The following IMMP2L variants were observed in gnomAD, a reference collection of about 807,000 sequenced individuals.
IMMP2L encodes inner mitochondrial membrane peptidase subunit 2, also known as mitochondrial inner membrane protease subunit 2.
Under a neutral mutation model 19.3 loss-of-function variants are expected in IMMP2L, and 18 were observed. That is an observed-to-expected ratio of 0.93 (90% CI 0.64 to 1.38). The LOEUF is 1.38. Among genes scored for constraint, IMMP2L ranks in the 40% most tolerant of loss-of-function variants. The pLI, the probability that IMMP2L is intolerant of heterozygous loss-of-function variation, is 0.00. For synonymous variants in IMMP2L, 76 were observed against 73.0 expected (o/e 1.04, Z -0.21); for missense variants, 233 against 218.2 (o/e 1.07, Z -0.43).
intron 5 of IMMP2L, among the ~76,000 whole-genome samples, chr7:110,754,443 A>C (rs1584729677): frequency 6.6e-6 from 1 of 152,036 alleles, no homozygotes; most frequent in Non-Finnish European, 1.5e-5. Context: ...TGTCAGCTTT[A>C]CTCAGCAGCT....
intron 4 of IMMP2L, among the ~76,000 whole-genome samples, chr7:110,893,569 C>T (rs1040501673): frequency 6.6e-5 from 10 of 152,104 alleles, no homozygotes; most frequent in Admixed American, 4.6e-4. Flanking sequence ...TGACTTTTTA[C>T]ACAAATAATT....
chr7:111,388,659 A>G (rs1170655250), intron 3 of IMMP2L, among the ~76,000 whole-genome samples: 6 of 152,088 alleles, frequency 3.9e-5, no homozygotes, highest in Non-Finnish European at 8.8e-5. Context: ...TACTTCTTAC[A>G]TGGCAGTGGC....
At chr7:111,105,032 T>A (rs1350378614) in intron 3 of IMMP2L, among the ~76,000 whole-genome samples, 1 of 151,854 alleles carries the variant, frequency 6.6e-6, no homozygotes, top group Non-Finnish European at 1.5e-5. Flanking sequence ...CAGAGAGGCA[T>A]GACCATAGAA....
chr7:110,687,598 T>C (rs1793206124), intron 5 of IMMP2L, among the ~76,000 whole-genome samples: 1 of 152,144 alleles, frequency 6.6e-6, no homozygotes, highest in South Asian at 2.1e-4. Context: ...GCATTACATA[T>C]ATTTTATAAC....
At chr7:111,044,666 A>G (rs2129571564) in intron 3 of IMMP2L, among the ~76,000 whole-genome samples, 1 of 152,358 alleles carries the variant, frequency 6.6e-6, no homozygotes, top group Middle Eastern at 3.4e-3. Flanking sequence ...TTTCTTAACT[A>G]TTCAAAATTG....
At chr7:111,188,629 G>A (rs1024369342) in intron 3 of IMMP2L, among the ~76,000 whole-genome samples, 2 of 152,060 alleles carry the variant, frequency 1.3e-5, no homozygotes, top group Middle Eastern at 3.2e-3. Context: ...CATCGTAGTT[G>A]GATCTGGCAG....
chr7:110,808,833 C>T (rs748136472), intron 5 of IMMP2L, among the ~76,000 whole-genome samples: 6 of 151,950 alleles, frequency 3.9e-5, no homozygotes, highest in Non-Finnish European at 7.4e-5. Context: ...AAATATGGTT[C>T]TATGTGGTTT....
intron 4 of IMMP2L, among the ~76,000 whole-genome samples, chr7:110,918,867 T>C (rs572407428): frequency 1.6e-4 from 25 of 152,358 alleles, no homozygotes; most frequent in African/African-American, 5.8e-4. Context: ...TTTATCAAAA[T>C]AGTGACTCAG....
In IMMP2L at chr7:110,739,229, A is replaced by C. The variant is rs139653909; in HGVS notation, c.409-75508T>G. Among the ~76,000 whole-genome samples, 161 of 152,294 alleles carry C rather than the reference A, an allele frequency of 1.1e-3. 1 individual carries two copies. In the East Asian group the frequency reaches 0.029, roughly 27 times the overall value. On this transcript the variant is annotated intron_variant, in intron 5 of 5. Transcript: ENST00000405709. ...CCTCACATCTCAATACTAACATTTA[A>C]TGTAAATGGCCTAAATGTTCTACTT...
At chr7:111,084,853 A>C (rs1669182963) in intron 3 of IMMP2L, among the ~76,000 whole-genome samples, 1 of 152,216 alleles carries the variant, frequency 6.6e-6, no homozygotes, top group Admixed American at 6.5e-5. Context: ...CTCTTCTGAG[A>C]AACTTAATGT....
At position 110,727,390 on chromosome 7, in the gene IMMP2L, C is replaced by CTAAA. The variant is rs58224781; in HGVS notation, c.409-63673_409-63670dup. On this transcript the variant is annotated intron_variant, in intron 5 of 5. Transcript: ENST00000405709. This position sits in a 1 kb window ranked among gnomAD's most constrained non-coding sequence, Gnocchi z 4.3. ...TGGATGACAGAGTGAGACTCTGTCT[C>CTAAA]TAAATAAATAAATAAATAAATAAAT... 0.03 allele frequency among the ~76,000 whole-genome samples: 4,471 copies of CTAAA among 147,492 alleles called. 138 individuals are homozygous for CTAAA. The highest frequency in any genetic ancestry group is 0.083 in the African/African-American group (3,221 of 38,600).
chr7:111,304,669 A>AGTGTGT (rs1304235836), intron 3 of IMMP2L, among the ~76,000 whole-genome samples: 4 of 60,624 alleles, frequency 6.6e-5, no homozygotes, highest in East Asian at 1.7e-3. Context: ...ACACATATAT[A>AGTGTGT]ATGTGTGTGT....
chr7:111,332,499 A>G (rs1825976612), intron 3 of IMMP2L, among the ~76,000 whole-genome samples: 1 of 152,010 alleles, frequency 6.6e-6, no homozygotes, highest in Admixed American at 6.6e-5. Context: ...ATAAATATCT[A>G]TGTACCAAAT....
intron 3 of IMMP2L, among the ~76,000 whole-genome samples, chr7:111,114,353 C>T (rs1018349548): frequency 3.9e-5 from 6 of 152,040 alleles, no homozygotes; most frequent in Middle Eastern, 6.8e-3. Context: ...ACACATAAAA[C>T]GTGAATAAGC....
intron 5 of IMMP2L, among the ~76,000 whole-genome samples, chr7:110,817,649 A>C (rs192912919): frequency 1.3e-5 from 2 of 152,042 alleles, no homozygotes; most frequent in East Asian, 1.9e-4. Flanking sequence ...GAGCCCGCAT[A>C]GCCAAGTCAA....
chr7:110,699,545 C>A (rs1223182372), intron 5 of IMMP2L, among the ~76,000 whole-genome samples: 5 of 151,876 alleles, frequency 3.3e-5, no homozygotes, highest in Non-Finnish European at 5.9e-5. Flanking sequence ...CCGAGGCGGG[C>A]GGATCATCTG....
intron 3 of IMMP2L, among the ~76,000 whole-genome samples, chr7:110,976,905 T>C (rs141799612): frequency 3.3e-5 from 5 of 152,004 alleles, no homozygotes; most frequent in African/African-American, 9.7e-5. Context: ...AATCTAAAAT[T>C]TCCTATCAGG....
intron 3 of IMMP2L, among the ~76,000 whole-genome samples, chr7:111,011,725 T>C (rs566677654): frequency 5.3e-5 from 8 of 152,288 alleles, no homozygotes; most frequent in African/African-American, 1.7e-4. Flanking sequence ...GTTTTCTCTA[T>C]ATGAGTGAAT....
intron 5 of IMMP2L, among the ~76,000 whole-genome samples, chr7:110,802,641 A>G (rs1346976517): frequency 6.6e-6 from 1 of 152,072 alleles, no homozygotes; most frequent in Non-Finnish European, 1.5e-5. Flanking sequence ...CTTCTTTGTT[A>G]TGGGCCATAA....
Sources: allele counts gnomAD v4.1 joint callset (sites outside exome capture counted in the v4.1 genomes callset), GRCh38; gene constraint gnomAD v4.1.1; non-coding constraint Gnocchi (gnomAD v3.1); transcripts MANE v1.5; gene names NCBI Gene and HGNC (gene_info 2026-07-23, HGNC 2026-07-21).